Variants in NKAIN3 observed in about 807,000 individuals in gnomAD.
NKAIN3 encodes the protein sodium/potassium-transporting ATPase subunit beta-1-interacting protein 3.
A neutral mutation model predicts 30.2 loss-of-function variants in NKAIN3; 25 were observed. The observed-to-expected ratio is 0.83, with a 90% CI of 0.60 to 1.16. The LOEUF is 1.16. Among genes scored for constraint, NKAIN3 ranks in the 50% most tolerant of loss-of-function variants. The pLI is 0.00. For synonymous variants in NKAIN3, 91 were observed against 89.6 expected (o/e 1.02, Z -0.09); for missense variants, 225 against 254.1 (o/e 0.89, Z 0.78).
intron 1 of NKAIN3, among the ~76,000 whole-genome samples, chr8:62,371,901 GC>G (rs1053703894): frequency 6.6e-6 from 1 of 151,742 alleles, no homozygotes; most frequent in African/African-American, 2.4e-5. Flanking sequence ...TCAGTGCTCA[GC>G]CCCGCCTTTA....
At chr8:62,820,341 T>C (rs981687918) in intron 4 of NKAIN3, among the ~76,000 whole-genome samples, 3 of 152,152 alleles carry the variant, frequency 2.0e-5, no homozygotes, top group African/African-American at 7.2e-5. Context: ...CATCATGGCA[T>C]TGAGAATGGA....
At chr8:62,782,179 T>TC (rs1817372892) in intron 4 of NKAIN3, among the ~76,000 whole-genome samples, 1 of 151,856 alleles carries the variant, frequency 6.6e-6, no homozygotes, top group Non-Finnish European at 1.5e-5. Context: ...ATACTCGACA[T>TC]CACTAATCAT....
At chr8:62,302,540 T>G (rs1395954394) in intron 1 of NKAIN3, among the ~76,000 whole-genome samples, 1 of 152,112 alleles carries the variant, frequency 6.6e-6, no homozygotes, top group African/African-American at 2.4e-5. Flanking sequence ...TACTTTGTTA[T>G]AGTCACAGAC....
chr8:62,594,747 A>G (rs543868866), intron 3 of NKAIN3, among the ~76,000 whole-genome samples: 7 of 151,950 alleles, frequency 4.6e-5, no homozygotes, highest in African/African-American at 1.7e-4. Context: ...GAAATAGACA[A>G]TGACTTTAGA....
intron 3 of NKAIN3, among the ~76,000 whole-genome samples, chr8:62,735,362 CTTTCTTTCTTTCTTTCTTT>C (rs1815616632): frequency 8.9e-5 from 2 of 22,590 alleles, no homozygotes; most frequent in African/African-American, 4.2e-4. Flanking sequence ...TTCTTTCTTT[CTTTCTTTCTTTCTTTCTTT>C]TTTTTTTTTT....
intron 1 of NKAIN3, among the ~76,000 whole-genome samples, chr8:62,348,943 T>C (rs1816096837): frequency 6.6e-6 from 1 of 152,188 alleles, no homozygotes; most frequent in African/African-American, 2.4e-5. Flanking sequence ...AAAATTCCTC[T>C]GTGTTTTCAG....
chr8:62,722,000 T>C (rs1815108340), intron 3 of NKAIN3, among the ~76,000 whole-genome samples: 1 of 152,222 alleles, frequency 6.6e-6, no homozygotes, highest in Admixed American at 6.5e-5. Context: ...GGAAGAGCTT[T>C]TCCACTTTGG....
intron 3 of NKAIN3, among the ~76,000 whole-genome samples, chr8:62,744,800 C>A (rs1156257059): frequency 6.6e-6 from 1 of 151,998 alleles, no homozygotes; most frequent in Non-Finnish European, 1.5e-5. Context: ...ATACAAGTAG[C>A]AAACCAACAA....
At chr8:62,301,651 G>C (rs1563925374) in intron 1 of NKAIN3, among the ~76,000 whole-genome samples, 7 of 152,086 alleles carry the variant, frequency 4.6e-5, no homozygotes, top group Admixed American at 4.6e-4. Flanking sequence ...AAACTTAACA[G>C]TAGCATTGAT....
intron 1 of NKAIN3, among the ~76,000 whole-genome samples, chr8:62,442,943 A>G (rs960354678): frequency 5.9e-5 from 9 of 152,002 alleles, no homozygotes; most frequent in Non-Finnish European, 2.9e-5. Flanking sequence ...TATATCATAC[A>G]TAATATGTAT....
At chr8:62,391,226 A>G (rs1258573094) in intron 1 of NKAIN3, among the ~76,000 whole-genome samples, 1 of 152,192 alleles carries the variant, frequency 6.6e-6, no homozygotes, top group African/African-American at 2.4e-5. Context: ...GTAAAACCCA[A>G]AACTATATGT....
chr8:62,260,195 G>A lies in NKAIN3; in HGVS notation c.54+11068G>A, dbSNP rs146172660. The stretch of plus-strand genomic sequence containing the variant: ...TAATGAGAGACACAGTAATAATTTG[G>A]TATTGATTAATATCTAGTATAATAA... On this transcript the variant is annotated intron_variant, in intron 1 of 6. Coordinates refer to ENST00000623646, the MANE Select transcript of NKAIN3 (RefSeq NM_001304533.3). Among the ~76,000 whole-genome samples the A allele has an allele frequency of 1.2e-3, 187 of 152,042 alleles. 1 individual carries two copies. Among genetic ancestry groups the A allele is most frequent in the African/African-American group, 4.0e-3 (165 of 41,472 alleles).
chr8:62,316,088 C>G (rs7002566), intron 1 of NKAIN3, among the ~76,000 whole-genome samples: 83,823 of 151,842 alleles, frequency 0.55, 23,579 homozygotes, highest in Non-Finnish European at 0.61. Flanking sequence ...CTTGCTGCCA[C>G]CATGTGAAGA....
intron 3 of NKAIN3, among the ~76,000 whole-genome samples, chr8:62,628,206 C>A (rs911141256): frequency 6.6e-6 from 1 of 152,078 alleles, no homozygotes; most frequent in African/African-American, 2.4e-5. Flanking sequence ...GGAAACATCA[C>A]GTAAGGCATG....
chr8:62,832,757 C>A (rs184334809), intron 4 of NKAIN3, among the ~76,000 whole-genome samples: 18 of 152,128 alleles, frequency 1.2e-4, no homozygotes, highest in Middle Eastern at 3.4e-3. Flanking sequence ...GACTTCAACA[C>A]CTCACCATCA....
intron 1 of NKAIN3, among the ~76,000 whole-genome samples, chr8:62,316,216 G>A (rs1174096674): frequency 5.3e-5 from 8 of 152,084 alleles, no homozygotes; most frequent in Admixed American, 1.3e-4. Flanking sequence ...TCTCGGGTAT[G>A]TCTTTATTGG....
chr8:62,914,292 A>G (rs933523939), intron 4 of NKAIN3, among the ~76,000 whole-genome samples: 3 of 152,178 alleles, frequency 2.0e-5, no homozygotes, highest in African/African-American at 7.2e-5. Context: ...GAGCTAAATG[A>G]TAAGAACTTA....
intron 3 of NKAIN3, among the ~76,000 whole-genome samples, chr8:62,693,607 C>T (rs1814051853): frequency 6.6e-6 from 1 of 152,190 alleles, no homozygotes; most frequent in Admixed American, 6.5e-5. Flanking sequence ...GTTATTTAAG[C>T]AGCTTTCTAA....
At chr8:62,468,020 G>A (rs1806216502) in intron 1 of NKAIN3, among the ~76,000 whole-genome samples, 3 of 152,032 alleles carry the variant, frequency 2.0e-5, no homozygotes, top group Admixed American at 6.5e-5. Context: ...TGATCCACCC[G>A]CCTCAGAGTT....
Sources: gnomAD v4.1 joint callset for allele counts (sites outside exome capture counted in the v4.1 genomes callset) on GRCh38, gnomAD v4.1.1 for gene constraint, MANE v1.5 for transcripts, NCBI Gene and HGNC (gene_info 2026-07-23, HGNC 2026-07-21) for gene names.